The following ZNF599 variants were observed in gnomAD, a reference collection of about 807,000 sequenced individuals.
ZNF599 encodes the protein zinc finger protein 599.
A neutral mutation model predicts 11.7 loss-of-function variants in ZNF599; 10 were observed. The observed-to-expected ratio is 0.86, with a 90% CI of 0.53 to 1.45. The LOEUF is 1.45. ZNF599 is among the 40% of genes most tolerant of loss of function. ZNF599 has a pLI of 0.00. For missense variants in ZNF599, 688 were observed against 713.6 expected (o/e 0.96, Z 0.41); for synonymous variants, 232 against 253.2 (o/e 0.92, Z 0.79).
At chr19:34,797,166 G>A in the ZNF599 span, among the ~76,000 whole-genome samples, 1 of 152,120 alleles carries the variant, frequency 6.6e-6, no homozygotes, top group Admixed American at 6.5e-5. Flanking sequence ...TGGCTGCATA[G>A]TATTCCATGG....
the ZNF599 span, among the ~76,000 whole-genome samples, chr19:34,787,952 G>T: frequency 2.0e-5 from 3 of 152,128 alleles, no homozygotes; most frequent in African/African-American, 7.2e-5. Context: ...ACCAACTGTG[G>T]ATTAAAAATA....
At chr19:34,781,170 A>T in the ZNF599 span, among the ~76,000 whole-genome samples, 92 of 151,956 alleles carry the variant, frequency 6.1e-4, 1 homozygote, top group South Asian at 0.018. Context: ...AAAAATAAAA[A>T]TAAAAAAAAG....
the ZNF599 span, among the ~76,000 whole-genome samples, chr19:34,796,909 C>A: frequency 2.0e-5 from 3 of 152,148 alleles, no homozygotes; most frequent in African/African-American, 7.2e-5. Context: ...CAAAGTTTTG[C>A]TGACGTCCTT....
At chr19:34,776,494 A>G (rs1273411514), upstream of ZNF599, among the ~76,000 whole-genome samples, 2 of 152,258 alleles carry the variant, frequency 1.3e-5, no homozygotes, top group Non-Finnish European at 2.9e-5. Flanking sequence ...TCTTGAATCA[A>G]ACAAAAATGT....
the ZNF599 span, among the ~76,000 whole-genome samples, chr19:34,795,161 G>C: frequency 6.6e-6 from 1 of 152,188 alleles, no homozygotes; most frequent in South Asian, 2.1e-4. Flanking sequence ...AGCTATTAAA[G>C]GCCATAGTAA....
At chr19:34,786,487 G>A in the ZNF599 span, among the ~76,000 whole-genome samples, 2 of 152,048 alleles carry the variant, frequency 1.3e-5, no homozygotes, top group East Asian at 3.9e-4. Flanking sequence ...AATTGACTTG[G>A]CCCCTGTGGA....
chr19:34,781,265 AAGAG>A, the ZNF599 span, among the ~76,000 whole-genome samples: 2,445 of 152,242 alleles, frequency 0.016, 27 homozygotes, highest in Middle Eastern at 0.024. Flanking sequence ...GAAACAAAGA[AAGAG>A]AGAAGAAAGA....
intron 3 of ZNF599, among the ~76,000 whole-genome samples, chr19:34,766,399 CGG>C (rs1478241718): frequency 6.6e-6 from 1 of 152,116 alleles, no homozygotes; most frequent in Non-Finnish European, 1.5e-5. Flanking sequence ...CAATAAATGA[CGG>C]GCTGGAGAAG....
chr19:34,799,697 G>A, the ZNF599 span, among the ~76,000 whole-genome samples: 9 of 152,218 alleles, frequency 5.9e-5, no homozygotes, highest in Non-Finnish European at 2.9e-5. Context: ...AAAAGGAAGA[G>A]ACACCAGAGA....
chr19:34,788,329 C>T, the ZNF599 span, among the ~76,000 whole-genome samples: 10 of 152,112 alleles, frequency 6.6e-5, no homozygotes, highest in South Asian at 2.1e-4. Flanking sequence ...GTTAGAATTT[C>T]GGTTCATATC....
rs186483310 is a variant in ZNF599, at chr19:34,770,326, C to A, written c.19-771G>T. Among the ~76,000 whole-genome samples the A allele has an allele frequency of 2.6e-5, 4 of 152,370 alleles. No homozygotes were observed. In the South Asian group the frequency reaches 8.3e-4, roughly 32 times the overall value. Reference sequence around the variant, plus strand: ...TCGGGTCCAGGATCTATGGGTGTAACCCCTGTACTCCTCCATCACCACAGT... The same window carrying A: ...TCGGGTCCAGGATCTATGGGTGTAAACCCTGTACTCCTCCATCACCACAGT... On this transcript the variant is annotated intron_variant, in intron 1 of 3. Coordinates refer to ENST00000329285, the MANE Select transcript of ZNF599 (RefSeq NM_001007248.3).
At position 34,772,360 on chromosome 19, in the gene ZNF599, C is replaced by T. The variant is rs546198172; in HGVS notation, c.18+464G>A. 20 of 995,202 alleles carry T rather than the reference C, an allele frequency of 2.0e-5. No individual in the cohort carries two copies. In the African/African-American group the frequency reaches 3.3e-4, roughly 16 times the overall value. 61.6% of individuals were successfully genotyped at this position (995,202 alleles called of 1,614,324 possible). ...CCTCTTGCCCTCGAGGCTCTCATTCCCTCTCCCAGCTTTTGGTAGGGCCAG... is the reference window on the plus strand; with the variant it reads ...CCTCTTGCCCTCGAGGCTCTCATTCTCTCTCCCAGCTTTTGGTAGGGCCAG... On this transcript the variant is annotated intron_variant, in intron 1 of 3. Coordinates refer to ENST00000329285, the MANE Select transcript of ZNF599 (RefSeq NM_001007248.3).
At chr19:34,792,794 C>T in the ZNF599 span, among the ~76,000 whole-genome samples, 346 of 151,888 alleles carry the variant, frequency 2.3e-3, 3 homozygotes, top group African/African-American at 7.4e-3. Context: ...ACCCAGGAGA[C>T]GGAGCTTACC....
At position 34,760,052 on chromosome 19, in the gene ZNF599, G is replaced by T; in HGVS notation, c.749C>A (p.Thr250Asn). The change falls in exon 4 of 4, where the codon ACT becomes AAT. Residue 250 changes from threonine (T) to asparagine (N), a missense_variant. By Grantham distance (65) the Thr-to-Asn change is moderately conservative. Transcript: ENST00000329285. The part of the protein sequence containing the change: ...ADVIRHMRLH[T>N]GEKPYKCIEC... ...AATACACTTGTATGGTTTTTCCCCA[G>T]TATGAAGCCTCATATGTCGAATGAC... is the stretch of plus-strand genomic sequence containing the variant. 1 of 1,614,050 alleles carries T rather than the reference G, an allele frequency of 6.2e-7. No homozygotes were observed. Among genetic ancestry groups the T allele is most frequent in the Non-Finnish European group, 8.5e-7 (1 of 1,180,002 alleles).
In ZNF599 at chr19:34,759,938, C is replaced by T; in HGVS notation, c.863G>A (p.Cys288Tyr). The T allele has an allele frequency of 1.2e-6, 2 of 1,614,148 alleles. No homozygotes were observed. The highest frequency in any genetic ancestry group is 1.1e-5 in the South Asian group (1 of 91,080). The change falls in exon 4 of 4, where the codon TGT becomes TAT. Residue 288 changes from cysteine to tyrosine, a missense_variant. By Grantham distance (194) the Cys-to-Tyr change is radical. Transcript: ENST00000329285. The part of the protein sequence containing the change: ...TGDKPYECKE[C>Y]GKAFTHRSSF... ...AGAGCGGTGGGTGAATGCTTTGCCA[C>T]ATTCTTTGCACTCATAGGGCTTATC...
the ZNF599 span, among the ~76,000 whole-genome samples, chr19:34,800,586 G>GTTTTTTTTTTTTTTTTTTTTCTTTTTT: frequency 8.9e-6 from 1 of 112,978 alleles, no homozygotes; most frequent in Non-Finnish European, 1.7e-5. Flanking sequence ...CATTTCCTTT[G>GTTTTTTTTTTTTTTTTTTTTCTTTTTT]TTTTTTTTTT....
At position 34,771,711 on chromosome 19, in the gene ZNF599, A is replaced by T. The variant is rs899542732; in HGVS notation, c.18+1113T>A. On this transcript the variant is annotated intron_variant, in intron 1 of 3. Transcript: ENST00000329285. ...TATGGGGTGGGGTTGGGTTAGATGA[A>T]ATCTAAGTAGGATGGGAGCCCCAGA... Among the ~76,000 whole-genome samples the T allele has an allele frequency of 7.9e-5, 12 of 152,124 alleles. No individual in the cohort carries two copies. The East Asian group carries it at 2.3e-3, about 29-fold the overall frequency.
At chr19:34,790,172 G>A in the ZNF599 span, among the ~76,000 whole-genome samples, 1 of 152,118 alleles carries the variant, frequency 6.6e-6, no homozygotes, top group East Asian at 1.9e-4. Flanking sequence ...AATGTGTGGG[G>A]TTTATCTCTG....
chr19:34,804,535 C>G, the ZNF599 span, among the ~76,000 whole-genome samples: 101 of 152,316 alleles, frequency 6.6e-4, no homozygotes, highest in African/African-American at 2.2e-3. Context: ...ACAGCTTCAC[C>G]TCAAGTCTAC....
Sources: gnomAD v4.1 joint callset for allele counts (sites outside exome capture counted in the v4.1 genomes callset) on GRCh38, gnomAD v4.1.1 for gene constraint, MANE v1.5 for transcripts, NCBI Gene and HGNC (gene_info 2026-07-23, HGNC 2026-07-21) for gene names.